The following ENOX1 variants were observed in gnomAD, a reference collection of about 807,000 sequenced individuals.
ENOX1 encodes ecto-NOX disulfide-thiol exchanger 1, also known as candidate growth-related and time keeping constitutive hydroquinone (NADH) oxidase.
In ENOX1, 42 loss-of-function variants were observed where a neutral mutation model predicts 82.5. That is an observed-to-expected ratio of 0.51 (90% CI 0.40 to 0.66). The LOEUF is 0.66. Among genes scored for constraint, ENOX1 ranks in the 30% least tolerant of loss-of-function variants. The probability of loss-of-function intolerance (pLI) is 0.00; values close to 1 mark genes in which losing one functional copy is unlikely to be tolerated. For missense variants in ENOX1, 608 were observed against 811.6 expected (o/e 0.75, Z 3.05); for synonymous variants, 271 against 282.2 (o/e 0.96, Z 0.40).
chr13:43,274,353 T>A (rs1267391893), intron 12 of ENOX1, among the ~76,000 whole-genome samples: 2 of 152,248 alleles, frequency 1.3e-5, no homozygotes, highest in Non-Finnish European at 2.9e-5. Flanking sequence ...TAATGTGCTC[T>A]TTTGTTTTCA....
chr13:43,657,525 A>G (rs190352395), intron 2 of ENOX1, among the ~76,000 whole-genome samples: 1 of 152,334 alleles, frequency 6.6e-6, no homozygotes, highest in East Asian at 1.9e-4. Context: ...GAGAGGCACT[A>G]GAAACATCCA....
At position 43,214,134 on chromosome 13, in the gene ENOX1, A is replaced by C. The variant is rs1242360768; in HGVS notation, c.1801-13T>G. 1.2e-6 allele frequency: 2 copies of C among 1,610,808 alleles called. No individual in the cohort carries two copies. Among genetic ancestry groups the C allele is most frequent in the African/African-American group, 2.7e-5 (2 of 74,806 alleles). On this transcript the variant is annotated splice_polypyrimidine_tract_variant and intron_variant, in intron 16 of 16. Transcript: ENST00000690772. ...CATTTGCAGATATCTGTTAGAAAGG[A>C]AGGAAAGTCACTTTGGGGAAAGGAA...
At chr13:43,616,690 T>C (rs2082495149) in intron 2 of ENOX1, among the ~76,000 whole-genome samples, 1 of 152,196 alleles carries the variant, frequency 6.6e-6, no homozygotes, top group Non-Finnish European at 1.5e-5. Context: ...TGTTATCATT[T>C]AACATGATTA....
intron 1 of ENOX1, among the ~76,000 whole-genome samples, chr13:43,709,179 C>T (rs529474379): frequency 2.6e-5 from 4 of 151,980 alleles, no homozygotes; most frequent in Non-Finnish European, 2.9e-5. Flanking sequence ...GTATAAGAAA[C>T]GGCTTCAGCT....
intron 2 of ENOX1, among the ~76,000 whole-genome samples, chr13:43,659,135 T>C (rs1326729990): frequency 6.6e-6 from 1 of 152,168 alleles, no homozygotes; most frequent in Non-Finnish European, 1.5e-5. Flanking sequence ...TTCTGTTGTG[T>C]TTCATGGTTA....
At chr13:43,447,254 A>G (rs2153628084) in intron 3 of ENOX1, among the ~76,000 whole-genome samples, 2 of 152,342 alleles carry the variant, frequency 1.3e-5, no homozygotes, top group Admixed American at 1.3e-4. Flanking sequence ...TGCCTGACAT[A>G]TAGTAGGCTT....
chr13:43,339,738 A>G (rs563501020), intron 9 of ENOX1, among the ~76,000 whole-genome samples: 7 of 152,218 alleles, frequency 4.6e-5, no homozygotes, highest in South Asian at 2.1e-4. Flanking sequence ...TGGGGCTGCT[A>G]TGGAATAACC....
chr13:43,477,966 G>A (rs1253641481), intron 3 of ENOX1, among the ~76,000 whole-genome samples: 1 of 151,974 alleles, frequency 6.6e-6, no homozygotes, highest in Non-Finnish European at 1.5e-5. Context: ...TGGGTGCTGG[G>A]GGACTCCAGC....
At chr13:43,745,914 T>C (rs867403945) in intron 1 of ENOX1, among the ~76,000 whole-genome samples, 4 of 152,304 alleles carry the variant, frequency 2.6e-5, no homozygotes, top group South Asian at 4.1e-4. Flanking sequence ...TCCGCCATGA[T>C]TGTAAGTTTC....
intron 5 of ENOX1, among the ~76,000 whole-genome samples, chr13:43,367,757 C>T (rs1000393817): frequency 1.3e-5 from 2 of 151,500 alleles, no homozygotes; most frequent in Non-Finnish European, 2.9e-5. Context: ...GGGGTGGGTG[C>T]CAGGGGAGTG....
intron 1 of ENOX1, among the ~76,000 whole-genome samples, chr13:43,734,807 A>G (rs1229279575): frequency 2.6e-5 from 4 of 152,236 alleles, no homozygotes; most frequent in African/African-American, 7.2e-5. Context: ...TTTGGAACAA[A>G]GACATATGAG....
chr13:43,639,638 T>C (rs1288168894), intron 2 of ENOX1, among the ~76,000 whole-genome samples: 1 of 152,248 alleles, frequency 6.6e-6, no homozygotes, highest in African/African-American at 2.4e-5. Context: ...CCAGCATTCA[T>C]GACTCTAAGC....
intron 1 of ENOX1, among the ~76,000 whole-genome samples, chr13:43,720,668 C>A (rs2088508640): frequency 6.6e-6 from 1 of 152,102 alleles, no homozygotes; most frequent in African/African-American, 2.4e-5. Flanking sequence ...TAAGTGAAGC[C>A]TGATGGGACA....
intron 2 of ENOX1, among the ~76,000 whole-genome samples, chr13:43,521,688 G>C (rs1665687127): frequency 6.6e-6 from 1 of 152,116 alleles, no homozygotes; most frequent in African/African-American, 2.4e-5. Flanking sequence ...AAGGCTTTGA[G>C]TGCAAAGACC....
intron 1 of ENOX1, among the ~76,000 whole-genome samples, chr13:43,703,168 T>C (rs910589003): frequency 2.0e-5 from 3 of 152,082 alleles, no homozygotes; most frequent in Non-Finnish European, 2.9e-5. Flanking sequence ...TATTTTGTTA[T>C]AGTACCAGGC....
chr13:43,700,003 A>C (rs1008962368), intron 1 of ENOX1, among the ~76,000 whole-genome samples: 6 of 152,220 alleles, frequency 3.9e-5, no homozygotes, highest in African/African-American at 1.4e-4. Flanking sequence ...TGTTCATTAT[A>C]GTCACCCTAC....
In ENOX1 at chr13:43,672,446, C is replaced by A. The variant is rs541105072; in HGVS notation, c.-284-4902G>T. On this transcript the variant is annotated intron_variant, in intron 1 of 16. Transcript: ENST00000690772. ...CTAGCATAAAAATAAACAAGTTTAA[C>A]CATTTCTTCAGGTCTTTATGTCCAT... Among the ~76,000 whole-genome samples, 7 of 152,256 alleles carry A rather than the reference C, an allele frequency of 4.6e-5. No individual in the cohort carries two copies. In the South Asian group the frequency reaches 1.2e-3, roughly 27 times the overall value.
chr13:43,240,699 C>T (rs1323855796), intron 14 of ENOX1, among the ~76,000 whole-genome samples: 1 of 152,154 alleles, frequency 6.6e-6, no homozygotes, highest in African/African-American at 2.4e-5. Flanking sequence ...AAATGTTCAA[C>T]TTAAGGTTTC....
chr13:43,672,520 C>T lies in ENOX1; in HGVS notation c.-284-4976G>A, dbSNP rs148745992. On this transcript the variant is annotated intron_variant, in intron 1 of 16. Transcript: ENST00000690772. ...AATTTATATGAAATAAATTTGTATG[C>T]TTTTCTCTTTTTAATGTCTTCTTTA... Among the ~76,000 whole-genome samples the T allele has an allele frequency of 3.8e-3, 578 of 152,196 alleles. 3 individuals are homozygous for T. Among genetic ancestry groups the T allele is most frequent in the African/African-American group, 0.013 (529 of 41,528 alleles).
Sources: allele counts gnomAD v4.1 joint callset (sites outside exome capture counted in the v4.1 genomes callset), GRCh38; gene constraint gnomAD v4.1.1; transcripts MANE v1.5; gene names NCBI Gene and HGNC (gene_info 2026-07-23, HGNC 2026-07-21).